The following CLYBL variants were observed in gnomAD, a reference collection of about 807,000 sequenced individuals.
CLYBL encodes citramalyl-CoA lyase, mitochondrial.
A neutral mutation model predicts 38.9 loss-of-function variants in CLYBL; 31 were observed. The observed-to-expected ratio is 0.80, with a 90% confidence interval of 0.60 to 1.08. CLYBL has a LOEUF of 1.08. Ranked by LOEUF, CLYBL falls within the 50% of genes least tolerant of loss-of-function variation. The pLI is 0.00. For missense variants in CLYBL, 434 were observed against 411.6 expected (o/e 1.05, Z -0.47); for synonymous variants, 171 against 158.6 (o/e 1.08, Z -0.59).
chr13:99,784,449 C>CTCTTTTTTTTTTTTTTTTTTTT (rs71121010), intron 2 of CLYBL, among the ~76,000 whole-genome samples: 2 of 52,098 alleles, frequency 3.8e-5, no homozygotes, highest in Non-Finnish European at 7.6e-5. Flanking sequence ...AAAATTCTCT[C>CTCTTTTTTTTTTTTTTTTTTTT]TTTTTTTTTT....
At chr13:99,831,084 A>AGAGGCAGGGGTTGGGTG (rs1252450439) in intron 2 of CLYBL, among the ~76,000 whole-genome samples, 12 of 152,188 alleles carry the variant, frequency 7.9e-5, no homozygotes, top group African/African-American at 2.7e-4. Context: ...ACATGAAGGA[A>AGAGGCAGGGGTTGGGTG]GAGGCAGGGG....
At chr13:99,646,354 A>T (rs1246208991) in intron 1 of CLYBL, among the ~76,000 whole-genome samples, 1 of 152,030 alleles carries the variant, frequency 6.6e-6, no homozygotes, top group Non-Finnish European at 1.5e-5. Flanking sequence ...TTGCTGAAGG[A>T]TGGAGCTCCT....
At chr13:99,817,003 C>T (rs774817777) in intron 2 of CLYBL, among the ~76,000 whole-genome samples, 5 of 152,146 alleles carry the variant, frequency 3.3e-5, no homozygotes, top group Non-Finnish European at 5.9e-5. Flanking sequence ...CGAATGACCC[C>T]GGAAATGTGA....
chr13:99,864,468 G>A (rs2051688658), intron 4 of CLYBL, among the ~76,000 whole-genome samples: 1 of 152,006 alleles, frequency 6.6e-6, no homozygotes, highest in African/African-American at 2.4e-5. Flanking sequence ...TCTCCCCTGT[G>A]GTTTTACGAG....
At chr13:99,740,903 A>C (rs2048743684) in intron 1 of CLYBL, among the ~76,000 whole-genome samples, 1 of 152,192 alleles carries the variant, frequency 6.6e-6, no homozygotes, top group South Asian at 2.1e-4. Context: ...GGAGAATTCC[A>C]GGAAAGCATC....
intron 2 of CLYBL, among the ~76,000 whole-genome samples, chr13:99,819,126 G>T (rs1163498606): frequency 6.6e-6 from 1 of 151,608 alleles, no homozygotes; most frequent in Admixed American, 6.6e-5. Context: ...CGGGAGAATC[G>T]CTTGAGGCCA....
At chr13:99,907,639 C>T (rs1363571676) in intron 9 of CLYBL, among the ~76,000 whole-genome samples, 1 of 152,044 alleles carries the variant, frequency 6.6e-6, no homozygotes, top group African/African-American at 2.4e-5. Context: ...AGGAGGATTG[C>T]CTGAGGCCAA....
intron 2 of CLYBL, among the ~76,000 whole-genome samples, chr13:99,781,996 G>A (rs1269416348): frequency 6.6e-6 from 1 of 152,054 alleles, no homozygotes; most frequent in Non-Finnish European, 1.5e-5. Flanking sequence ...CAATATTTTA[G>A]TTATCTCTCT....
chr13:99,705,410 GTC>G (rs1243832125), intron 1 of CLYBL, among the ~76,000 whole-genome samples: 2 of 152,100 alleles, frequency 1.3e-5, no homozygotes, highest in African/African-American at 4.8e-5. Context: ...GTGAAACCCT[GTC>G]TCTACTAAAA....
intron 2 of CLYBL, among the ~76,000 whole-genome samples, chr13:99,820,413 C>A (rs1186089313): frequency 6.6e-6 from 1 of 152,152 alleles, no homozygotes; most frequent in Admixed American, 6.5e-5. Flanking sequence ...CAGAAACTTA[C>A]CATAGTAACA....
intron 1 of CLYBL, among the ~76,000 whole-genome samples, chr13:99,654,257 T>C (rs1368297032): frequency 6.6e-6 from 1 of 152,142 alleles, no homozygotes; most frequent in Non-Finnish European, 1.5e-5. Flanking sequence ...TCTCCCTGGG[T>C]CCATCCTAGA....
chr13:99,766,181 A>G (rs2049265445), intron 1 of CLYBL, among the ~76,000 whole-genome samples: 1 of 151,762 alleles, frequency 6.6e-6, no homozygotes, highest in African/African-American at 2.4e-5. Context: ...AATTTTCTGT[A>G]TCTTGTAGGC....
At chr13:99,669,291 C>T (rs781171593) in intron 1 of CLYBL, among the ~76,000 whole-genome samples, 73 of 152,072 alleles carry the variant, frequency 4.8e-4, no homozygotes, top group African/African-American at 1.6e-3. Context: ...TGTGAGCTGC[C>T]GCGCCCGGCC....
intron 1 of CLYBL, among the ~76,000 whole-genome samples, chr13:99,679,304 A>AG (rs1555351595): frequency 2.2e-5 from 3 of 137,732 alleles, no homozygotes. Flanking sequence ...AAAAAAAAAA[A>AG]AAAAGAAAAG....
intron 2 of CLYBL, among the ~76,000 whole-genome samples, chr13:99,794,301 A>G (rs1440303150): frequency 6.6e-6 from 1 of 152,030 alleles, no homozygotes; most frequent in Admixed American, 6.6e-5. Context: ...CACACCTGTA[A>G]TCCCAGCTTC....
intron 2 of CLYBL, among the ~76,000 whole-genome samples, chr13:99,800,816 G>T (rs1230544857): frequency 6.6e-6 from 1 of 151,554 alleles, no homozygotes; most frequent in Non-Finnish European, 1.5e-5. Flanking sequence ...AGAGGTTGCA[G>T]TGAGCCAAGA....
intron 2 of CLYBL, among the ~76,000 whole-genome samples, chr13:99,795,529 T>C (rs1373718304): frequency 1.3e-5 from 2 of 152,034 alleles, no homozygotes; most frequent in Non-Finnish European, 2.9e-5. Context: ...TGGCATGTGC[T>C]TGTGGTCCCA....
At position 99,885,677 on chromosome 13, in the gene CLYBL, C is replaced by T. The variant is rs574550194; in HGVS notation, c.928-5641C>T. 4.6e-5 allele frequency among the ~76,000 whole-genome samples: 7 copies of T among 152,210 alleles called. No homozygotes were observed. The South Asian group carries it at 1.0e-3, about 23-fold the overall frequency. On this transcript the variant is annotated intron_variant, in intron 7 of 8. Coordinates refer to ENST00000339105, the MANE Select transcript of CLYBL (RefSeq NM_206808.5). The stretch of plus-strand genomic sequence containing the variant: ...GAGCTGAGGGTGCCTGGCACCCAAA[C>T]GGACATCCTTAAAATGAATGTCACA...
intron 1 of CLYBL, among the ~76,000 whole-genome samples, chr13:99,638,416 T>C (rs61974372): frequency 0.026 from 4,020 of 152,322 alleles, 82 homozygotes; most frequent in Middle Eastern, 0.11. Flanking sequence ...TACATAGACA[T>C]ACACACACAC....
Sources: gnomAD v4.1 joint callset for allele counts (sites outside exome capture counted in the v4.1 genomes callset) on GRCh38, gnomAD v4.1.1 for gene constraint, MANE v1.5 for transcripts, NCBI Gene and HGNC (gene_info 2026-07-23, HGNC 2026-07-21) for gene names.